The following IFFO2 variants were observed in gnomAD, a reference collection of about 807,000 sequenced individuals.
IFFO2 encodes intermediate filament family orphan 2.
A neutral mutation model predicts 53.5 loss-of-function variants in IFFO2; 19 were observed. The ratio of observed to expected loss-of-function variants is 0.36; its 90% confidence interval spans 0.25 to 0.52. IFFO2 has a LOEUF of 0.52. IFFO2 is among the 20% of genes least tolerant of loss of function. The pLI, the probability that IFFO2 is intolerant of heterozygous loss-of-function variation, is 0.94. For missense variants in IFFO2, 570 were observed against 727.4 expected, an observed-to-expected ratio of 0.78 and a Z score of 2.49; for synonymous variants, 303 against 313.6, an observed-to-expected ratio of 0.97 and a Z score of 0.36.
chr1:18,955,903 G>C lies in IFFO2; in HGVS notation c.430C>G (p.Pro144Ala). The change falls in exon 1 of 9, where the codon CCC becomes GCC. Residue 144 changes from proline (P) to alanine (A), a missense_variant. Coordinates refer to ENST00000455833, the MANE Select transcript of IFFO2 (RefSeq NM_001136265.2). Reference sequence around the variant, plus strand: ...TGCGGGTGCGAGCCGCCGCCGGGGGGCAGGCCGCCCAGGGCCACGGCATTG... The same window carrying C: ...TGCGGGTGCGAGCCGCCGCCGGGGGCCAGGCCGCCCAGGGCCACGGCATTG... The part of the protein sequence containing the change: ...NANAVALGGL[P>A]PGGGSHPQHY... The C allele has an allele frequency of 7.5e-7, 1 of 1,341,892 alleles. No homozygotes were observed. The allele number at this position is 1,341,892 out of a possible 1,614,324, so 83.1% of individuals were successfully genotyped here.
intron 1 of IFFO2, among the ~76,000 whole-genome samples, chr1:18,941,151 T>C (rs896222384): frequency 6.6e-6 from 1 of 152,220 alleles, no homozygotes; most frequent in African/African-American, 2.4e-5. Context: ...GCTGGAGTGG[T>C]GCGATGTTCC....
At chr1:18,926,066 A>AT (rs1936290426) in intron 1 of IFFO2, among the ~76,000 whole-genome samples, 1 of 88,146 alleles carries the variant, frequency 1.1e-5, no homozygotes, top group Non-Finnish European at 2.3e-5. Flanking sequence ...GGTTGGATGG[A>AT]TGGATGGATG....
chr1:18,936,778 G>A lies in IFFO2; in HGVS notation c.666-15657C>T, dbSNP rs1387675275. On this transcript the variant is annotated intron_variant, in intron 1 of 8. Transcript: ENST00000455833. This position sits in a 1 kb window ranked among gnomAD's most constrained non-coding sequence, Gnocchi z 4.5. ...GTGCAGCCTGAAAAAATGAGGGGCT[G>A]GCAGCCAGGCAGAGCCCACCAGGCA... Among the ~76,000 whole-genome samples the A allele has an allele frequency of 1.3e-5, 2 of 152,202 alleles. No individual in the cohort carries two copies. The highest frequency in any genetic ancestry group is 3.8e-4 in the East Asian group (2 of 5,196).
At chr1:18,942,878 G>C (rs146415181) in intron 1 of IFFO2, among the ~76,000 whole-genome samples, 1 of 141,670 alleles carries the variant, frequency 7.1e-6, no homozygotes, top group African/African-American at 2.6e-5. Context: ...TCATTCTGTC[G>C]CCTAGGCTGG....
chr1:18,913,770 G>A (rs1041638048), intron 5 of IFFO2, among the ~76,000 whole-genome samples: 8 of 152,196 alleles, frequency 5.3e-5, no homozygotes, highest in African/African-American at 1.9e-4. Context: ...CTGCAGAATG[G>A]GGGTGGGGGG....
At chr1:18,924,427 G>A (rs1017520667) in intron 1 of IFFO2, among the ~76,000 whole-genome samples, 2 of 152,182 alleles carry the variant, frequency 1.3e-5, no homozygotes, top group Non-Finnish European at 1.5e-5. Flanking sequence ...GTTTCAGGCA[G>A]AGGGACCAAC....
chr1:18,912,255 C>G (rs1936052123), intron 5 of IFFO2, among the ~76,000 whole-genome samples, 172 bp from the exon 6 acceptor site: 1 of 152,116 alleles, frequency 6.6e-6, no homozygotes, highest in African/African-American at 2.4e-5. Flanking sequence ...AGGAGTTTAA[C>G]TCTTTTAAAA....
Position 18,916,943 on chromosome 1 carries a change from T to C in IFFO2, c.1063A>G (p.Met355Val), listed in dbSNP as rs1936141121. 6.4e-7 allele frequency: 1 copy of C among 1,551,938 alleles called. No individual in the cohort carries two copies. Among genetic ancestry groups the C allele is most frequent in the South Asian group, 1.2e-5 (1 of 84,060 alleles). Residue 355 changes from methionine (M) to valine (V), a missense_variant, in exon 5 of 9, where the codon ATG becomes GTG. Transcript: ENST00000455833. The surrounding 1 kb of genome is among the most constrained non-coding windows in gnomAD (Gnocchi z 4.3). ...NRFSDDEVGS[M>V]NITDEMKRMF... ...CGCTTCATCTCATCGGTGATGTTCA[T>C]GGAGCCGACCTCATCGTCCGAGAAC...
chr1:18,925,008 G>A (rs1412458651), intron 1 of IFFO2, among the ~76,000 whole-genome samples: 1 of 152,168 alleles, frequency 6.6e-6, no homozygotes, highest in African/African-American at 2.4e-5. Context: ...GGCTGACACG[G>A]CCTGAATCAC....
chr1:18,908,606 C>G lies in IFFO2; in HGVS notation c.1509G>C (p.Gln503His). 6.4e-7 allele frequency: 1 copy of G among 1,551,754 alleles called. No homozygotes were observed. The highest frequency in any genetic ancestry group is 8.7e-7 in the Non-Finnish European group (1 of 1,146,976). Residue 503 changes from glutamine (Q) to histidine (H), a missense_variant, in exon 9 of 9, where the codon CAG becomes CAC. Coordinates refer to ENST00000455833, the MANE Select transcript of IFFO2 (RefSeq NM_001136265.2). ...SSDSGSTDEI[Q>H]DEFEREADVE... The stretch of plus-strand genomic sequence containing the variant: ...CATCCGCCTCGCGCTCGAACTCATC[C>G]TGGATCTCATCTGTACTTCCTGAGT...
At chr1:18,937,300 G>T (rs1017495267) in intron 1 of IFFO2, among the ~76,000 whole-genome samples, 2 of 152,214 alleles carry the variant, frequency 1.3e-5, no homozygotes, top group African/African-American at 4.8e-5. Context: ...GCTGGGAAGG[G>T]GCAGGTTCCA....
intron 1 of IFFO2, among the ~76,000 whole-genome samples, chr1:18,937,094 G>A (rs1936459283): frequency 6.6e-6 from 1 of 152,192 alleles, no homozygotes; most frequent in African/African-American, 2.4e-5. Flanking sequence ...GGCTGGCTCA[G>A]TGCAACTCCA....
chr1:18,940,562 CGGATGGATGGATGGATGGAT>C (rs142740984), intron 1 of IFFO2, among the ~76,000 whole-genome samples: 49 of 148,420 alleles, frequency 3.3e-4, no homozygotes, highest in Middle Eastern at 6.8e-3. Flanking sequence ...GATGGACAAA[CGGATGGATGGATGGATGGAT>C]GGATGGATGG....
chr1:18,915,130 C>T (rs1050888136), intron 5 of IFFO2, among the ~76,000 whole-genome samples: 25 of 152,296 alleles, frequency 1.6e-4, no homozygotes, highest in Admixed American at 1.5e-3. Flanking sequence ...GGACAAAGCA[C>T]TGGACCAAGA....
At chr1:18,945,421 G>A (rs1310240620) in intron 1 of IFFO2, among the ~76,000 whole-genome samples, 1 of 152,168 alleles carries the variant, frequency 6.6e-6, no homozygotes, top group East Asian at 1.9e-4. Context: ...CTGTCTGCTG[G>A]GGAACTTCAC....
intron 1 of IFFO2, among the ~76,000 whole-genome samples, chr1:18,933,925 G>A (rs373904379): frequency 4.6e-5 from 7 of 151,596 alleles, no homozygotes; most frequent in African/African-American, 9.7e-5. Context: ...GTAGTACCCC[G>A]TACCCCTCTC....
Position 18,936,266 on chromosome 1 carries a change from C to T in IFFO2, c.666-15145G>A, listed in dbSNP as rs1263790790. ...TCCACAGTCCAGGCCAACTCTGCTA[C>T]TCTCTTCTCTGCACCTTGAAGCCTG... On this transcript the variant is annotated intron_variant, in intron 1 of 8. Transcript: ENST00000455833. This position sits in a 1 kb window ranked among gnomAD's most constrained non-coding sequence, Gnocchi z 4.5. Among the ~76,000 whole-genome samples the T allele has an allele frequency of 6.6e-6, 1 of 152,236 alleles. No individual in the cohort carries two copies. Among genetic ancestry groups the T allele is most frequent in the Non-Finnish European group, 1.5e-5 (1 of 68,044 alleles).
At chr1:18,942,683 G>A (rs1419428759) in intron 1 of IFFO2, among the ~76,000 whole-genome samples, 1 of 152,144 alleles carries the variant, frequency 6.6e-6, no homozygotes, top group East Asian at 1.9e-4. Context: ...CCCCACAATT[G>A]AATTATGTCT....
chr1:18,928,098 A>G lies in IFFO2; in HGVS notation c.666-6977T>C, dbSNP rs1010337284. On this transcript the variant is annotated intron_variant, in intron 1 of 8. Coordinates refer to ENST00000455833, the MANE Select transcript of IFFO2 (RefSeq NM_001136265.2). This position sits in a 1 kb window ranked among gnomAD's most constrained non-coding sequence, Gnocchi z 4.9. ...CTTGCCTCCTGACTTTCTCTCCCAC[A>G]TGGCACGCTGCAAGCCCGTCTTCTC... Among the ~76,000 whole-genome samples the G allele has an allele frequency of 8.5e-5, 13 of 152,156 alleles. No individual in the cohort carries two copies. Among genetic ancestry groups the G allele is most frequent in the Admixed American group, 5.9e-4 (9 of 15,274 alleles).
Sources: allele counts gnomAD v4.1 joint callset (sites outside exome capture counted in the v4.1 genomes callset), GRCh38; gene constraint gnomAD v4.1.1; non-coding constraint Gnocchi (gnomAD v3.1); transcripts MANE v1.5; gene names NCBI Gene and HGNC (gene_info 2026-07-23, HGNC 2026-07-21).